The following ALG14 variants were observed in gnomAD, a reference collection of about 807,000 sequenced individuals.
The protein encoded by ALG14 is ALG14 UDP-N-acetylglucosaminyltransferase subunit.
In ALG14, 17 loss-of-function variants were observed where a neutral mutation model predicts 22.8. That is an observed-to-expected ratio of 0.75 (90% CI 0.51 to 1.12). The LOEUF (loss-of-function observed/expected upper bound fraction) is 1.12, where lower values mean the gene tolerates loss of function less well. Among genes scored for constraint, ALG14 ranks in the 50% most tolerant of loss-of-function variants. The pLI, the probability that ALG14 is intolerant of heterozygous loss-of-function variation, is 0.00. For synonymous variants in ALG14, 89 were observed against 103.7 expected (o/e 0.86, Z 0.86); for missense variants, 288 against 271.8 (o/e 1.06, Z -0.42).
At chr1:95,057,432 C>T (rs1042388106) in intron 2 of ALG14, among the ~76,000 whole-genome samples, 3 of 151,610 alleles carry the variant, frequency 2.0e-5, no homozygotes, top group Non-Finnish European at 2.9e-5. Flanking sequence ...ATAGTATTTA[C>T]ACTGTATTAG....
At chr1:95,021,677 A>C (rs1673667406) in intron 3 of ALG14, among the ~76,000 whole-genome samples, 1 of 152,154 alleles carries the variant, frequency 6.6e-6, no homozygotes. Flanking sequence ...CATGCATCTA[A>C]GGTCATTTCA....
chr1:95,070,713 A>C (rs1376165752), intron 1 of ALG14, among the ~76,000 whole-genome samples: 1 of 152,084 alleles, frequency 6.6e-6, no homozygotes, highest in Non-Finnish European at 1.5e-5. Flanking sequence ...TTATTTTTTA[A>C]TTTAAGCTTT....
intron 2 of ALG14, among the ~76,000 whole-genome samples, chr1:95,028,992 ATTGG>A (rs992772938): frequency 1.3e-5 from 2 of 152,240 alleles, no homozygotes; most frequent in Admixed American, 1.3e-4. Context: ...TTCCAGATAT[ATTGG>A]TTACCTATTT....
At chr1:95,036,771 T>C (rs549656538) in intron 2 of ALG14, among the ~76,000 whole-genome samples, 13 of 152,290 alleles carry the variant, frequency 8.5e-5, no homozygotes, top group Admixed American at 1.3e-4. Context: ...GGCAGTTCTT[T>C]ATAGCAGCAT....
In ALG14 at chr1:94,980,075, C is replaced by T. The variant is rs1672469200; in HGVS notation, c.*3001G>A. 1 of 150,488 alleles carries T rather than the reference C, an allele frequency of 6.6e-6. No individual in the cohort carries two copies. Among genetic ancestry groups the T allele is most frequent in the Non-Finnish European group, 1.5e-5 (1 of 67,752 alleles). 9.3% of individuals were successfully genotyped at this position (150,488 alleles called of 1,614,324 possible). A position where few individuals can be genotyped will look rare whatever the true frequency, so the allele number is the denominator to read the frequency against. On this transcript the variant is annotated 3_prime_UTR_variant, in exon 4 of 4. Transcript: ENST00000370205. Reference sequence around the variant, plus strand: ...GGCTTTTCAGAAAAAAAAAAAAGCACTCATTCAACCCAAGGAACTGTATAG... The same window carrying T: ...GGCTTTTCAGAAAAAAAAAAAAGCATTCATTCAACCCAAGGAACTGTATAG...
At chr1:95,030,054 T>C (rs1673950233) in intron 2 of ALG14, among the ~76,000 whole-genome samples, 1 of 152,128 alleles carries the variant, frequency 6.6e-6, no homozygotes, top group South Asian at 2.1e-4. Flanking sequence ...GAAAAACAAG[T>C]AATAGGCCAA....
chr1:95,036,014 A>G (rs757215568), intron 2 of ALG14: 1 of 152,248 alleles, frequency 6.6e-6, no homozygotes, highest in Non-Finnish European at 1.5e-5. Context: ...ACTAATCATT[A>G]TGAAATCAAG....
intron 3 of ALG14, among the ~76,000 whole-genome samples, chr1:94,996,580 G>A (rs1201816654): frequency 1.3e-5 from 2 of 152,222 alleles, no homozygotes; most frequent in African/African-American, 4.8e-5. Flanking sequence ...CCATGTGATG[G>A]TTAGGTGTTC....
chr1:94,992,462 T>G (rs1672799138), intron 3 of ALG14, among the ~76,000 whole-genome samples: 1 of 152,104 alleles, frequency 6.6e-6, no homozygotes, highest in South Asian at 2.1e-4. Context: ...CTGGGCAGAA[T>G]CAGATACTGA....
At chr1:94,986,209 C>A (rs530251022) in intron 3 of ALG14, among the ~76,000 whole-genome samples, 1 of 152,324 alleles carries the variant, frequency 6.6e-6, no homozygotes, top group African/African-American at 2.4e-5. Flanking sequence ...GTGTCTCACA[C>A]CACCACCCGG....
At chr1:95,061,918 C>A (rs888405899) in intron 2 of ALG14, 1 of 152,128 alleles carries the variant, frequency 6.6e-6, no homozygotes, top group African/African-American at 2.4e-5. Flanking sequence ...TGGATAAAGG[C>A]ACTCACTCTA....
rs905930395 is a variant in ALG14 at position 94,982,475 on chromosome 1, A to C, written c.*601T>G. The C allele has an allele frequency of 6.5e-6, 1 of 152,720 alleles. No individual in the cohort carries two copies. The highest frequency in any genetic ancestry group is 1.9e-4 in the East Asian group (1 of 5,206). 9.5% of individuals were successfully genotyped at this position (152,720 alleles called of 1,614,324 possible). On this transcript the variant is annotated 3_prime_UTR_variant, in exon 4 of 4. Transcript: ENST00000370205. Reference sequence around the variant, plus strand: ...CTGTATTAAGGCCAACTACTCAAAAAGCAAGACTGAAGTACAAAAAATGAT... The same window carrying C: ...CTGTATTAAGGCCAACTACTCAAAACGCAAGACTGAAGTACAAAAAATGAT...
At position 94,983,108 on chromosome 1, in the gene ALG14, G is replaced by T; in HGVS notation, c.619C>A (p.Pro207Thr). The T allele has an allele frequency of 1.9e-6, 3 of 1,614,150 alleles. No homozygotes were observed. Among genetic ancestry groups the T allele is most frequent in the Non-Finnish European group, 2.5e-6 (3 of 1,180,022 alleles). Reference sequence around the variant, plus strand: ...ATTCGCCCAAGGTACACCGATTTGGGATACTTTTCTTTCAGAGCCGGCCAC... The same window carrying T: ...ATTCGCCCAAGGTACACCGATTTGGTATACTTTTCTTTCAGAGCCGGCCAC... ...VQWPALKEKY[P>T]KSVYLGRIV The change falls in exon 4 of 4, where the codon CCC (proline) becomes ACC (threonine). Residue 207 changes from proline (P) to threonine (T), a missense_variant. By Grantham distance (38) the Pro-to-Thr change is conservative (BLOSUM62 -1). Transcript: ENST00000370205.
chr1:95,009,567 A>C (rs1291225918), intron 3 of ALG14, among the ~76,000 whole-genome samples: 2 of 152,200 alleles, frequency 1.3e-5, no homozygotes, highest in Non-Finnish European at 2.9e-5. Context: ...GAAATAGAGA[A>C]AGAATAAATC....
intron 3 of ALG14, among the ~76,000 whole-genome samples, chr1:95,011,491 T>A (rs1673360863): frequency 6.6e-6 from 1 of 151,828 alleles, no homozygotes; most frequent in South Asian, 2.1e-4. Context: ...AGTGGTGTGA[T>A]CTCAGCTCAC....
At chr1:95,060,724 AC>A (rs1336925278) in intron 2 of ALG14, among the ~76,000 whole-genome samples, 4 of 151,710 alleles carry the variant, frequency 2.6e-5, no homozygotes, top group Non-Finnish European at 5.9e-5. Context: ...TAAAAAAAAA[AC>A]AACAAATAAA....
intron 3 of ALG14, among the ~76,000 whole-genome samples, chr1:95,021,108 T>G (rs1039705452): frequency 1.2e-4 from 19 of 152,190 alleles, no homozygotes; most frequent in African/African-American, 4.3e-4. Flanking sequence ...GAGCAAAAGT[T>G]AACCAAGGAG....
At chr1:95,040,172 AAAATAAAT>A (rs66956744) in intron 2 of ALG14, among the ~76,000 whole-genome samples, 4,062 of 143,292 alleles carry the variant, frequency 0.028, 178 homozygotes, top group African/African-American at 0.097. Context: ...ACCCTGTCTC[AAAATAAAT>A]AAATAAATAA....
At chr1:94,991,832 G>A (rs538033716) in intron 3 of ALG14, among the ~76,000 whole-genome samples, 4 of 149,246 alleles carry the variant, frequency 2.7e-5, no homozygotes, top group African/African-American at 1.0e-4. Context: ...TTGTACAGGT[G>A]AACAAAAAGA....
Sources: allele counts gnomAD v4.1 joint callset (sites outside exome capture counted in the v4.1 genomes callset), GRCh38; gene constraint gnomAD v4.1.1; transcripts MANE v1.5; gene names NCBI Gene and HGNC (gene_info 2026-07-23, HGNC 2026-07-21).